SLC16A2: variants seen among roughly 807,000 people sequenced by gnomAD.
SLC16A2 encodes the protein monocarboxylate transporter 8.
Under a neutral mutation model 27.2 loss-of-function variants are expected in SLC16A2, and 3 were observed. The ratio of observed to expected loss-of-function variants is 0.11; its 90% confidence interval spans 0.05 to 0.28. SLC16A2 has a LOEUF of 0.28. Ranked by LOEUF, SLC16A2 falls within the 10% of genes least tolerant of loss-of-function variation. The pLI is 1.00. For synonymous variants in SLC16A2, 202 were observed against 187.8 expected (o/e 1.08, Z -0.62); for missense variants, 295 against 458.5 (o/e 0.64, Z 3.26).
At position 74,524,515 on chromosome X, in the gene SLC16A2, G is replaced by A. The variant is rs756584348; in HGVS notation, c.732G>A (p.Met244Ile). 8.3e-7 allele frequency: 1 copy of A among 1,211,411 alleles called. No homozygotes were observed. The highest frequency in any genetic ancestry group is 1.1e-6 in the Non-Finnish European group (1 of 895,413). The change falls in exon 3 of 6, where the codon ATG (methionine) becomes ATA (isoleucine). Residue 244 changes from methionine (M) to isoleucine (I), a missense_variant. Transcript: ENST00000587091. ...CTGCTGGGAGTAGCATTTTCTCCAT[G>A]TCCTTCCCCTTCCTCATCAGAATGC... ...VVSAGSSIFSMSFPFLIRMLG... is the reference protein window; with the variant it reads ...VVSAGSSIFSISFPFLIRMLG...
intron 1 of SLC16A2, among the ~76,000 whole-genome samples, chrX:74,431,901 C>T (rs996079175): frequency 4.5e-5 from 5 of 111,630 alleles, no homozygotes; most frequent in African/African-American, 1.6e-4. Context: ...CACCTTCCCA[C>T]TCCATCTTTT....
intron 1 of SLC16A2, among the ~76,000 whole-genome samples, chrX:74,424,049 G>T (rs1928360761): frequency 9.4e-6 from 1 of 105,927 alleles, no homozygotes; most frequent in African/African-American, 3.5e-5. Context: ...CAGGGGGAGG[G>T]CTGGCTGGGA....
At chrX:74,508,957 T>TTTTGTTTG (rs58533540) in intron 1 of SLC16A2, among the ~76,000 whole-genome samples, 2,582 of 104,676 alleles carry the variant, frequency 0.025, 34 homozygotes, top group Non-Finnish European at 0.042. Context: ...TTTGTATCCT[T>TTTTGTTTG]TTTGTTTGTT....
At position 74,421,922 on chromosome X, in the gene SLC16A2, C is replaced by G. The variant is rs1446662607; in HGVS notation, c.285C>G (p.Pro95=). Residue 95 remains proline, a synonymous_variant, in exon 1 of 6, where the codon CCC becomes CCG. Coordinates refer to ENST00000587091, the MANE Select transcript of SLC16A2 (RefSeq NM_006517.5). ...GCACCGCGCGCGGCTTCCAGCCTCC[C>G]GAAGGTGGCTTCGGCTGGGTGGTGG... ...TRGTARGFQP[P]EGGFGWVVVF... 5 of 1,211,121 alleles carry G rather than the reference C, an allele frequency of 4.1e-6. No homozygotes were observed. Among genetic ancestry groups the G allele is most frequent in the Middle Eastern group, 2.6e-4 (1 of 3,913 alleles).
intron 3 of SLC16A2, 122 bp from the exon 4 acceptor site, chrX:74,525,628 G>T: frequency 1.3e-6 from 1 of 791,211 alleles, no homozygotes; most frequent in Non-Finnish European, 1.9e-6. Flanking sequence ...GGCTACAGGA[G>T]AGGGGGTTTC....
intron 1 of SLC16A2, among the ~76,000 whole-genome samples, chrX:74,446,456 CA>C (rs1286765791): frequency 1.8e-5 from 2 of 110,641 alleles, no homozygotes; most frequent in Admixed American, 1.9e-4. Context: ...CCCATCTCTG[CA>C]AAAAAATACA....
At chrX:74,427,630 T>C (rs1432636577) in intron 1 of SLC16A2, among the ~76,000 whole-genome samples, 1 of 111,228 alleles carries the variant, frequency 9.0e-6, no homozygotes, top group East Asian at 2.9e-4. Context: ...CATTTTATGG[T>C]TTTGTTGCAT....
chrX:74,529,254 T>C lies in SLC16A2; in HGVS notation c.1212T>C (p.Ile404=). The C allele has an allele frequency of 5.8e-6, 7 of 1,211,914 alleles. No homozygotes were observed. The highest frequency in any genetic ancestry group is 7.8e-6 in the Non-Finnish European group (7 of 895,374). ...FLLLGLMSMM[I]PLCRDFGGLI... is the part of the protein sequence containing the mutation. ...TCCTGGGCCTGATGTCCATGATGAT[T>C]CCCCTGTGCCGGGACTTCGGGGGCC... Residue 404 remains isoleucine, a synonymous_variant, in exon 5 of 6, where the codon ATT becomes ATC. Transcript: ENST00000587091.
chrX:74,504,150 A>T lies in SLC16A2; in HGVS notation c.431-16840A>T, dbSNP rs184936142. Among the ~76,000 whole-genome samples, 637 of 111,941 alleles carry T rather than the reference A, an allele frequency of 5.7e-3. 8 individuals are homozygous for T. The highest frequency in any genetic ancestry group is 0.02 in the African/African-American group (602 of 30,801). On this transcript the variant is annotated intron_variant, in intron 1 of 5. Transcript: ENST00000587091. Reference sequence around the variant, plus strand: ...TGAAGATCTAATGAGATAAGTGCTGAAAAAGGGTTTTGGGAGATAAAAGAA... The same window carrying T: ...TGAAGATCTAATGAGATAAGTGCTGTAAAAGGGTTTTGGGAGATAAAAGAA...
At chrX:74,479,230 C>T (rs1415971036) in intron 1 of SLC16A2, among the ~76,000 whole-genome samples, 1 of 111,735 alleles carries the variant, frequency 8.9e-6, no homozygotes, top group African/African-American at 3.3e-5. Flanking sequence ...TCATTTCATT[C>T]ATTTGATCTT....
intron 1 of SLC16A2, among the ~76,000 whole-genome samples, chrX:74,435,553 A>ATAT (rs1360189812): frequency 7.9e-4 from 69 of 87,810 alleles, no homozygotes; most frequent in African/African-American, 2.9e-3. Flanking sequence ...ATATATATAT[A>ATAT]TTTTTTTTTT....
intron 1 of SLC16A2, among the ~76,000 whole-genome samples, chrX:74,470,386 A>G (rs1210057539): frequency 1.8e-5 from 2 of 112,151 alleles, no homozygotes; most frequent in Non-Finnish European, 3.8e-5. Context: ...TAGTTTTATA[A>G]GAAACTGCCA....
At chrX:74,427,009 A>G (rs756328868) in intron 1 of SLC16A2, among the ~76,000 whole-genome samples, 27 of 112,077 alleles carry the variant, frequency 2.4e-4, no homozygotes, top group Non-Finnish European at 5.1e-4. Context: ...ATTGGTATAG[A>G]GCTGGGTCTC....
At chrX:74,430,297 C>G (rs764546131) in intron 1 of SLC16A2, among the ~76,000 whole-genome samples, 1 of 111,950 alleles carries the variant, frequency 8.9e-6, no homozygotes, top group Non-Finnish European at 1.9e-5. Context: ...TGGACCCAGA[C>G]AGTCTGAGTT....
chrX:74,429,277 G>A (rs899467743), intron 1 of SLC16A2, among the ~76,000 whole-genome samples: 1 of 111,483 alleles, frequency 9.0e-6, no homozygotes, highest in African/African-American at 3.3e-5. Flanking sequence ...AGGCCAGCCT[G>A]GGCAACATAG....
At chrX:74,428,218 C>T (rs1272017502) in intron 1 of SLC16A2, among the ~76,000 whole-genome samples, 3 of 111,352 alleles carry the variant, frequency 2.7e-5, no homozygotes, top group Non-Finnish European at 5.7e-5. Flanking sequence ...GATTTCATCA[C>T]CTGCCTGAAG....
chrX:74,447,388 G>A (rs1407595568), intron 1 of SLC16A2, among the ~76,000 whole-genome samples: 1 of 111,442 alleles, frequency 9.0e-6, no homozygotes, highest in Admixed American at 9.6e-5. Context: ...AAAGCTTTCT[G>A]GGGGCCTGGT....
intron 1 of SLC16A2, among the ~76,000 whole-genome samples, chrX:74,446,001 G>A (rs1299548778): frequency 1.8e-5 from 2 of 111,412 alleles, no homozygotes; most frequent in Non-Finnish European, 3.8e-5. Flanking sequence ...ATGCCCCTCT[G>A]CCTAAGAAAT....
At chrX:74,509,270 T>TATA (rs1298146299) in intron 1 of SLC16A2, among the ~76,000 whole-genome samples, 1 of 111,350 alleles carries the variant, frequency 9.0e-6, no homozygotes, top group East Asian at 2.8e-4. Flanking sequence ...GGCACCCTAT[T>TATA]CCTAACCGTA....
Sources: gnomAD v4.1 joint callset for allele counts (sites outside exome capture counted in the v4.1 genomes callset) on GRCh38, gnomAD v4.1.1 for gene constraint, MANE v1.5 for transcripts, NCBI Gene and HGNC (gene_info 2026-07-23, HGNC 2026-07-21) for gene names.